ST3GAL3: variants seen among roughly 807,000 people sequenced by gnomAD.
ST3GAL3 encodes the protein ST3 beta-galactoside alpha-2,3-sialyltransferase 3, also known as CMP-N-acetylneuraminate-beta-1,4-galactoside alpha-2,3-sialyltransferase.
ST3GAL3 carries 21 observed loss-of-function variants against 50.1 expected under a neutral mutation model. The observed-to-expected ratio is 0.42, with a 90% CI of 0.30 to 0.60. The LOEUF (loss-of-function observed/expected upper bound fraction) is 0.60. Among genes scored for constraint, ST3GAL3 ranks in the 20% least tolerant of loss-of-function variants. ST3GAL3 has a pLI of 0.19. For missense variants in ST3GAL3, 353 were observed against 489.4 expected (o/e 0.72, Z 2.63); for synonymous variants, 183 against 190.0 (o/e 0.96, Z 0.30).
At chr1:43,922,822 C>G (rs1037336865) in intron 11 of ST3GAL3, among the ~76,000 whole-genome samples, 1 of 117,042 alleles carries the variant, frequency 8.5e-6, no homozygotes, top group Non-Finnish European at 1.9e-5. Flanking sequence ...AAAAAAAAGG[C>G]CAGGCATGGT....
chr1:43,751,300 G>C (rs548778646), intron 2 of ST3GAL3, among the ~76,000 whole-genome samples: 3 of 152,108 alleles, frequency 2.0e-5, no homozygotes, highest in Non-Finnish European at 4.4e-5. Context: ...TATAATATAA[G>C]TGGGTTCCTG....
intron 5 of ST3GAL3, among the ~76,000 whole-genome samples, chr1:43,891,083 T>C (rs1223869800): frequency 6.6e-6 from 1 of 152,146 alleles, no homozygotes; most frequent in Admixed American, 6.5e-5. Context: ...CATTACCAAT[T>C]AAAAGGAACC....
At chr1:43,806,946 C>T (rs566115011) in intron 3 of ST3GAL3, among the ~76,000 whole-genome samples, 1 of 152,342 alleles carries the variant, frequency 6.6e-6, no homozygotes, top group African/African-American at 2.4e-5. Context: ...CTGCCTTGGC[C>T]TCCCAAAGTG....
chr1:43,803,403 C>T (rs967526119), intron 3 of ST3GAL3, among the ~76,000 whole-genome samples: 10 of 151,704 alleles, frequency 6.6e-5, no homozygotes, highest in Admixed American at 3.3e-4. Flanking sequence ...GTGCATTCAC[C>T]ATTTGTTGGA....
intron 11 of ST3GAL3, 31 bp from the exon 12 acceptor site, chr1:43,930,101 G>A (rs760694435): frequency 1.2e-6 from 2 of 1,605,450 alleles, no homozygotes; most frequent in Admixed American, 1.7e-5. Flanking sequence ...TTGAGCAAAG[G>A]CCCAACTGAT....
chr1:43,920,937 C>A lies in ST3GAL3; in HGVS notation c.1038+9C>A. 6.2e-7 allele frequency: 1 copy of A among 1,605,138 alleles called. No individual in the cohort carries two copies. On this transcript the variant is annotated intron_variant, in intron 11 of 11. Transcript: ENST00000347631. ...TGGCAGCCATCAAAGAGGTTCGGGG[C>A]TGGGTATGGGGGCAATCCCTGGGTG...
chr1:43,925,533 T>TA (rs1295513454), intron 11 of ST3GAL3, among the ~76,000 whole-genome samples: 1 of 152,216 alleles, frequency 6.6e-6, no homozygotes, highest in Non-Finnish European at 1.5e-5. Context: ...TTGCCACTGT[T>TA]ATTTACCAAT....
intron 9 of ST3GAL3, among the ~76,000 whole-genome samples, chr1:43,902,860 C>T (rs2078522918): frequency 6.6e-6 from 1 of 152,170 alleles, no homozygotes; most frequent in Admixed American, 6.5e-5. Flanking sequence ...CTACACTGGC[C>T]CCTGGGAATA....
chr1:43,731,130 T>C (rs1358755783), intron 1 of ST3GAL3, among the ~76,000 whole-genome samples: 1 of 152,004 alleles, frequency 6.6e-6, no homozygotes, highest in East Asian at 1.9e-4. Flanking sequence ...CCTCCTGGGC[T>C]CAACAAATCC....
intron 4 of ST3GAL3, among the ~76,000 whole-genome samples, chr1:43,834,218 A>G (rs1405631384): frequency 6.6e-6 from 1 of 152,142 alleles, no homozygotes; most frequent in Non-Finnish European, 1.5e-5. Flanking sequence ...TCTCTACTGC[A>G]TTGTGAGTTT....
At chr1:43,824,222 C>T (rs756830253) in intron 4 of ST3GAL3, among the ~76,000 whole-genome samples, 2 of 152,068 alleles carry the variant, frequency 1.3e-5, no homozygotes, top group Admixed American at 6.5e-5. Flanking sequence ...TTTAGGGAGA[C>T]GGAGTACAGT....
chr1:43,918,357 A>G (rs921187772), intron 9 of ST3GAL3, among the ~76,000 whole-genome samples: 3 of 150,750 alleles, frequency 2.0e-5, no homozygotes, highest in South Asian at 2.1e-4. Flanking sequence ...GGCTCAAGCA[A>G]TCCACCTGCC....
At chr1:43,813,050 G>A (rs37469) in intron 3 of ST3GAL3, among the ~76,000 whole-genome samples, 68,838 of 152,030 alleles carry the variant, frequency 0.45, 15,778 homozygotes, top group Middle Eastern at 0.55. Flanking sequence ...TGAGTAGTGT[G>A]AGCCGCTGTA....
At chr1:43,743,584 G>T in intron 2 of ST3GAL3, 1 of 366,076 alleles carries the variant, frequency 2.7e-6, no homozygotes, top group Admixed American at 3.0e-5. Flanking sequence ...TGAATGAGAG[G>T]GTCTGTCAGT....
In ST3GAL3 at chr1:43,920,851, G is replaced by A. The variant is rs771500576; in HGVS notation, c.961G>A (p.Gly321Arg). 1 of 1,614,052 alleles carries A rather than the reference G, an allele frequency of 6.2e-7. No homozygotes were observed. The highest frequency in any genetic ancestry group is 8.5e-7 in the Non-Finnish European group (1 of 1,179,966). The change falls in exon 11 of 12, where the codon GGA (glycine) becomes AGA (arginine). Residue 321 changes from glycine to arginine, a missense_variant. Coordinates refer to ENST00000347631, the MANE Select transcript of ST3GAL3 (RefSeq NM_006279.5). ...CGGCTGTGACGAGGTGGCAGTCGCA[G>A]GATTTGGCTATGACATGAGCACACC... Reference protein sequence around the residue: ...LHGCDEVAVAGFGYDMSTPNA... With the variant: ...LHGCDEVAVARFGYDMSTPNA...
chr1:43,733,313 G>A (rs1397720484), intron 1 of ST3GAL3, among the ~76,000 whole-genome samples: 2 of 152,134 alleles, frequency 1.3e-5, no homozygotes, highest in Non-Finnish European at 2.9e-5. Flanking sequence ...ATTCAGAAGT[G>A]TACAAAGGGA....
chr1:43,838,595 CCAGAGAAGGCTGCCAAGCA>C, intron 5 of ST3GAL3: 1 of 402,670 alleles, frequency 2.5e-6, no homozygotes, highest in Non-Finnish European at 4.7e-6. Flanking sequence ...CCAGAGGCAG[CCAGAGAAGGCTGCCAAGCA>C]CAGAAGCTCC....
chr1:43,759,063 G>GCACACACACACA (rs775153049), intron 2 of ST3GAL3, among the ~76,000 whole-genome samples: 3 of 132,432 alleles, frequency 2.3e-5, no homozygotes, highest in Admixed American at 7.4e-5. Context: ...ACAAAAGCGC[G>GCACACACACACA]CGCACACACA....
chr1:43,855,896 G>C (rs1033656075), intron 5 of ST3GAL3, among the ~76,000 whole-genome samples: 4 of 151,794 alleles, frequency 2.6e-5, no homozygotes, highest in African/African-American at 9.7e-5. Flanking sequence ...GTATACTAAC[G>C]ACAGGCATGA....
Sources: allele counts gnomAD v4.1 joint callset (sites outside exome capture counted in the v4.1 genomes callset), GRCh38; gene constraint gnomAD v4.1.1; transcripts MANE v1.5; gene names NCBI Gene and HGNC (gene_info 2026-07-23, HGNC 2026-07-21).